The following TMX3 variants were observed in gnomAD, a reference collection of about 807,000 sequenced individuals.
The protein encoded by TMX3 is protein disulfide-isomerase TMX3.
A neutral mutation model predicts 64.4 loss-of-function variants in TMX3; 40 were observed. The observed-to-expected ratio is 0.62, with a 90% CI of 0.48 to 0.81. The LOEUF (loss-of-function observed/expected upper bound fraction) is 0.81. TMX3 is among the 30% of genes least tolerant of loss of function. TMX3 has a pLI of 0.00. For missense variants in TMX3, 497 were observed against 534.5 expected, an observed-to-expected ratio of 0.93 and a Z score of 0.69; for synonymous variants, 189 against 175.7, an observed-to-expected ratio of 1.08 and a Z score of -0.60.
intron 13 of TMX3, among the ~76,000 whole-genome samples, chr18:68,682,346 T>G (rs1348498940): frequency 6.6e-6 from 1 of 152,158 alleles, no homozygotes; most frequent in Non-Finnish European, 1.5e-5. Flanking sequence ...AAGTGGCAAA[T>G]TAAATCTCTA....
intron 8 of TMX3, among the ~76,000 whole-genome samples, chr18:68,694,697 C>T (rs1400360573): frequency 1.3e-5 from 2 of 152,138 alleles, no homozygotes; most frequent in African/African-American, 4.8e-5. Flanking sequence ...CATTAATTTC[C>T]CCTCCAAAAG....
At position 68,682,857 on chromosome 18, in the gene TMX3, C is replaced by A. The variant is rs1313492906; in HGVS notation, c.905+68G>T. On this transcript the variant is annotated intron_variant, in intron 13 of 15. Transcript: ENST00000299608. Reference sequence around the variant, plus strand: ...ATTTTTCAGCTATTTAATCCTTCTACCTGTATCTCAGAAACAAATTTAAAA... The same window carrying A: ...ATTTTTCAGCTATTTAATCCTTCTAACTGTATCTCAGAAACAAATTTAAAA... 5 of 1,403,128 alleles carry A rather than the reference C, an allele frequency of 3.6e-6. No homozygotes were observed. In the Admixed American group the frequency reaches 7.2e-5, roughly 20 times the overall value. 86.9% of individuals were successfully genotyped at this position (1,403,128 alleles called of 1,614,324 possible).
chr18:68,694,293 C>G (rs1224505434), intron 8 of TMX3, among the ~76,000 whole-genome samples: 1 of 152,234 alleles, frequency 6.6e-6, no homozygotes, highest in Non-Finnish European at 1.5e-5. Flanking sequence ...CTCTTCAGGG[C>G]TCTGCAGTTC....
At chr18:68,702,954 G>A (rs2030266939) in intron 4 of TMX3, among the ~76,000 whole-genome samples, 1 of 152,164 alleles carries the variant, frequency 6.6e-6, no homozygotes, top group Admixed American at 6.5e-5. Flanking sequence ...CTAAGAGGTA[G>A]CATAAACAGC....
At chr18:68,714,630 T>C (rs375245048) in intron 1 of TMX3, among the ~76,000 whole-genome samples, 26 of 152,234 alleles carry the variant, frequency 1.7e-4, no homozygotes, top group East Asian at 1.9e-4. Flanking sequence ...GGCATCCTTC[T>C]TGCCCATCAA....
chr18:68,707,642 T>G (rs749152229), intron 4 of TMX3, among the ~76,000 whole-genome samples: 6 of 152,208 alleles, frequency 3.9e-5, no homozygotes, highest in Non-Finnish European at 8.8e-5. Context: ...CACATTCCTT[T>G]ATACATGACT....
rs528215085 is a variant in TMX3 at position 68,693,217 on chromosome 18, A to G, written c.571-1856T>C. Among the ~76,000 whole-genome samples the G allele has an allele frequency of 6.6e-5, 10 of 152,326 alleles. No homozygotes were observed. In the South Asian group the frequency reaches 2.1e-3, roughly 32 times the overall value. ...ATGGCAGTGGCAGCCCGTCTGGAGC[A>G]GCTGCTGCGCGAATGCCAGCTGCAG... On this transcript the variant is annotated intron_variant, in intron 8 of 15. Transcript: ENST00000299608.
At chr18:68,693,278 A>G (rs1914704160) in intron 8 of TMX3, among the ~76,000 whole-genome samples, 1 of 152,140 alleles carries the variant, frequency 6.6e-6, no homozygotes, top group Non-Finnish European at 1.5e-5. Context: ...CGCTCCGTGG[A>G]GCCAGCGGGG....
Position 68,676,851 on chromosome 18 carries a change from G to A in TMX3, c.*82C>T. On this transcript the variant is annotated 3_prime_UTR_variant, in exon 16 of 16. Transcript: ENST00000299608. ...CGAATAACATGTTCTTTTCTGTAAA[G>A]ATCATGATTAAATGTCTAAATTCAA... 1 of 1,499,238 alleles carries A rather than the reference G, an allele frequency of 6.7e-7. No homozygotes were observed. The highest frequency in any genetic ancestry group is 8.9e-7 in the Non-Finnish European group (1 of 1,117,736). The allele number at this position is 1,499,238 out of a possible 1,614,324, so 92.9% of individuals were successfully genotyped here. A position where few individuals can be genotyped will look rare whatever the true frequency, so the allele number is the denominator to read the frequency against.
rs1913925786 is a variant in TMX3 at position 68,686,109 on chromosome 18, G to T, written c.736+1558C>A. ...GCAAGAGTTAGAACTTCTGAGAAAA[G>T]ACATGAGGTGTCTGAAGCCGCACAG... On this transcript the variant is annotated intron_variant, in intron 10 of 15. Coordinates refer to ENST00000299608, the MANE Select transcript of TMX3 (RefSeq NM_019022.5). Among the ~76,000 whole-genome samples the T allele has an allele frequency of 1.3e-5, 2 of 152,120 alleles. 1 individual carries two copies. The highest frequency in any genetic ancestry group is 4.1e-4 in the South Asian group (2 of 4,828).
intron 8 of TMX3, among the ~76,000 whole-genome samples, chr18:68,694,521 C>T (rs1218112548): frequency 1.3e-5 from 2 of 152,156 alleles, no homozygotes; most frequent in Non-Finnish European, 2.9e-5. Flanking sequence ...CCATGCCTCG[C>T]TCGTCCTTGG....
In TMX3 at chr18:68,687,647, C is replaced by CT. The variant is rs1914091624; in HGVS notation, c.736+19dup. The CT allele has an allele frequency of 3.8e-6, 6 of 1,590,522 alleles. No homozygotes were observed. The highest frequency in any genetic ancestry group is 5.1e-6 in the Non-Finnish European group (6 of 1,171,322). On this transcript the variant is annotated intron_variant, in intron 10 of 15. Coordinates refer to ENST00000299608, the MANE Select transcript of TMX3 (RefSeq NM_019022.5). ...GAAAAATCATGTAACATAATGGAGA[C>CT]TTGTACATATGCTTGTTACCTGTGT...
At chr18:68,683,341 A>G (rs973401373) in intron 12 of TMX3, among the ~76,000 whole-genome samples, 6 of 152,164 alleles carry the variant, frequency 3.9e-5, no homozygotes, top group Non-Finnish European at 8.8e-5. Flanking sequence ...GCTACATACT[A>G]TGTAAGAAAA....
rs376484673 is a variant in TMX3 at position 68,700,448 on chromosome 18, G to A, written c.349C>T (p.Arg117Ter). 3 of 1,571,356 alleles carry A rather than the reference G, an allele frequency of 1.9e-6. No individual in the cohort carries two copies. Among genetic ancestry groups the A allele is most frequent in the African/African-American group, 1.4e-5 (1 of 72,322 alleles). The change falls in exon 6 of 16, where the codon CGA becomes TGA. Residue 117 changes from arginine (R) to a stop codon, truncating the protein, a stop_gained. Coordinates refer to ENST00000299608, the MANE Select transcript of TMX3 (RefSeq NM_019022.5). LOFTEE classifies it high-confidence loss of function. ...GDLAYNYRGP[R>*]TKDDIIEFAH... ...AACTCAATAATATCATCTTTTGTTC[G>A]TGGTCCTCTATAATTATATGCCAAG...
intron 6 of TMX3, 100 bp from the exon 7 acceptor site, chr18:68,698,131 C>A: frequency 1.4e-6 from 1 of 737,270 alleles, no homozygotes; most frequent in Non-Finnish European, 2.2e-6. Flanking sequence ...TATTAAGTTT[C>A]AATAATATAT....
At chr18:68,707,069 ATC>A (rs1228914810) in intron 4 of TMX3, among the ~76,000 whole-genome samples, 2 of 152,204 alleles carry the variant, frequency 1.3e-5, no homozygotes, top group East Asian at 3.9e-4. Flanking sequence ...AGAAAGTTTA[ATC>A]TGTTTTGCTC....
In TMX3 at chr18:68,711,355, C is replaced by T. The variant is rs1350485101; in HGVS notation, c.141+9G>A. 2.5e-6 allele frequency: 4 copies of T among 1,576,008 alleles called. No individual in the cohort carries two copies. The highest frequency in any genetic ancestry group is 2.6e-6 in the Non-Finnish European group (3 of 1,156,490). On this transcript the variant is annotated intron_variant, in intron 3 of 15. Transcript: ENST00000299608. ...GTGGGTAATTAGCATATAAAATTTA[C>T]ATACTTACATCTACAAGCCAAATGT...
intron 1 of TMX3, among the ~76,000 whole-genome samples, 157 bp downstream of exon 1, chr18:68,714,779 A>C (rs1024047677): frequency 3.3e-5 from 5 of 152,214 alleles, no homozygotes; most frequent in Admixed American, 2.0e-4. Context: ...AGGGCCAGGC[A>C]GGGTGGCGCG....
chr18:68,695,771 C>G (rs1915001827), intron 8 of TMX3, among the ~76,000 whole-genome samples: 1 of 152,212 alleles, frequency 6.6e-6, no homozygotes, highest in Non-Finnish European at 1.5e-5. Flanking sequence ...TCTACGCATA[C>G]CTATCTAACG....
Sources: allele counts gnomAD v4.1 joint callset (sites outside exome capture counted in the v4.1 genomes callset), GRCh38; gene constraint gnomAD v4.1.1; transcripts MANE v1.5; gene names NCBI Gene and HGNC (gene_info 2026-07-23, HGNC 2026-07-21).